Variants in FAM78B observed in about 807,000 individuals in gnomAD.
The protein encoded by FAM78B is protein FAM78B.
A neutral mutation model predicts 20.0 loss-of-function variants in FAM78B; 10 were observed. The ratio of observed to expected loss-of-function variants is 0.50; its 90% CI spans 0.31 to 0.85. The LOEUF is 0.85. Ranked by LOEUF, FAM78B falls within the 40% of genes least tolerant of loss-of-function variation. The pLI is 0.05. For missense variants in FAM78B, 283 were observed against 345.0 expected (o/e 0.82, Z 1.42); for synonymous variants, 135 against 132.8 (o/e 1.02, Z -0.12).
At chr1:166,102,423 A>G (rs1653563984) in intron 1 of FAM78B, among the ~76,000 whole-genome samples, 1 of 152,230 alleles carries the variant, frequency 6.6e-6, no homozygotes, top group South Asian at 2.1e-4. Flanking sequence ...AAATTGGATA[A>G]AGAGTCAAGA....
downstream of FAM78B, among the ~76,000 whole-genome samples, chr1:166,067,834 T>C (rs1392870317): frequency 6.6e-6 from 1 of 152,180 alleles, no homozygotes; most frequent in Non-Finnish European, 1.5e-5. Context: ...TTTTTTTCAT[T>C]TTGTCATTAT....
intron 1 of FAM78B, among the ~76,000 whole-genome samples, chr1:166,131,941 T>C (rs1348955900): frequency 6.6e-6 from 1 of 152,146 alleles, no homozygotes; most frequent in Admixed American, 6.5e-5. Context: ...GTGGTGTACA[T>C]GCATTGCTCT....
At chr1:166,082,148 T>C (rs967969109) in intron 1 of FAM78B, among the ~76,000 whole-genome samples, 20 of 152,148 alleles carry the variant, frequency 1.3e-4, no homozygotes, top group Admixed American at 5.2e-4. Flanking sequence ...CTATGATGGT[T>C]TTCTACTGCA....
At chr1:166,159,671 C>A (rs1656066626) in intron 1 of FAM78B, among the ~76,000 whole-genome samples, 1 of 152,198 alleles carries the variant, frequency 6.6e-6, no homozygotes, top group Admixed American at 6.5e-5. Flanking sequence ...CTTTCCCCAA[C>A]CCATCCAGTG....
intron 1 of FAM78B, among the ~76,000 whole-genome samples, chr1:166,105,155 T>C (rs1653718826): frequency 6.6e-6 from 1 of 152,106 alleles, no homozygotes; most frequent in African/African-American, 2.4e-5. Flanking sequence ...TAGCCATATG[T>C]AGAAAGCTGA....
At chr1:166,110,728 T>G (rs1654019923) in intron 1 of FAM78B, among the ~76,000 whole-genome samples, 1 of 152,166 alleles carries the variant, frequency 6.6e-6, no homozygotes, top group Admixed American at 6.5e-5. Flanking sequence ...TGCGCCCAAC[T>G]ATTAGAGACT....
intron 1 of FAM78B, among the ~76,000 whole-genome samples, chr1:166,074,892 C>T (rs1176861790): frequency 6.6e-6 from 1 of 152,184 alleles, no homozygotes; most frequent in Non-Finnish European, 1.5e-5. Context: ...GACAACCATG[C>T]AGGCTACAGC....
chr1:166,154,885 C>T, intron 1 of FAM78B: 3 of 468,290 alleles, frequency 6.4e-6, no homozygotes, highest in Non-Finnish European at 1.3e-5. Context: ...ATCCTAACAC[C>T]CTGTAAGTTA....
In FAM78B at chr1:166,166,317, C is replaced by T. The variant is rs1036892523; in HGVS notation, c.-69G>A. ...GGGCCCGCGCGGGCAGCCGGGGGCG[C>T]CCGTCACGCCGGCATGGCGACGCGC... On this transcript the variant is annotated 5_prime_UTR_variant, in exon 1 of 2. Transcript: ENST00000354422. 375 of 1,115,326 alleles carry T rather than the reference C, an allele frequency of 3.4e-4. 1 individual carries two copies. The highest frequency in any genetic ancestry group is 4.0e-4 in the Non-Finnish European group (365 of 913,450). The allele number at this position is 1,115,326 out of a possible 1,614,324, so 69.1% of individuals were successfully genotyped here.
intron 1 of FAM78B, among the ~76,000 whole-genome samples, chr1:166,144,622 C>T (rs1225154375): frequency 3.3e-5 from 5 of 151,954 alleles, no homozygotes; most frequent in Non-Finnish European, 7.4e-5. Context: ...GAGTGAGGTC[C>T]CCATTCATCT....
chr1:166,082,669 GC>G (rs1652627403), intron 1 of FAM78B: 1 of 152,334 alleles, frequency 6.6e-6, no homozygotes, highest in South Asian at 2.1e-4. Flanking sequence ...CTCCAGAAGA[GC>G]CCAGAACAGG....
chr1:166,063,607 C>T (rs574966422), intron 2 of FAM78B, among the ~76,000 whole-genome samples: 8 of 152,270 alleles, frequency 5.3e-5, no homozygotes, highest in Admixed American at 4.6e-4. Context: ...GCTTGGCTCA[C>T]CCAGTCCCAG....
chr1:166,097,251 G>A (rs1417260792), intron 1 of FAM78B, among the ~76,000 whole-genome samples: 1 of 152,188 alleles, frequency 6.6e-6, no homozygotes, highest in Non-Finnish European at 1.5e-5. Context: ...ATTCCTGCCT[G>A]GCACCATAGG....
At chr1:166,140,799 G>A (rs944710223) in intron 1 of FAM78B, among the ~76,000 whole-genome samples, 2 of 152,204 alleles carry the variant, frequency 1.3e-5, no homozygotes, top group African/African-American at 4.8e-5. Context: ...CCATTGATCT[G>A]TACTATGGAG....
chr1:166,116,437 G>A (rs899510602), intron 1 of FAM78B, among the ~76,000 whole-genome samples: 2 of 152,168 alleles, frequency 1.3e-5, no homozygotes, highest in African/African-American at 2.4e-5. Flanking sequence ...ACATTTCTCC[G>A]TAGTGATAGG....
intron 1 of FAM78B, among the ~76,000 whole-genome samples, chr1:166,097,237 G>A (rs887773082): frequency 6.6e-6 from 1 of 152,230 alleles, no homozygotes; most frequent in African/African-American, 2.4e-5. Flanking sequence ...TCCCCTAGCA[G>A]GCCATTCCTG....
At chr1:166,101,888 A>C (rs1653536083) in intron 1 of FAM78B, among the ~76,000 whole-genome samples, 1 of 152,084 alleles carries the variant, frequency 6.6e-6, no homozygotes, top group Admixed American at 6.6e-5. Flanking sequence ...GAGAAGAGCA[A>C]CTCCAAGACA....
At chr1:166,118,468 T>C (rs1489717337) in intron 1 of FAM78B, among the ~76,000 whole-genome samples, 2 of 152,186 alleles carry the variant, frequency 1.3e-5, no homozygotes, top group Admixed American at 1.3e-4. Flanking sequence ...AGATAAAACA[T>C]ATAGCTTTAT....
chr1:166,118,635 T>C (rs796306543), intron 1 of FAM78B, among the ~76,000 whole-genome samples: 3 of 152,240 alleles, frequency 2.0e-5, no homozygotes, highest in East Asian at 1.9e-4. Context: ...ACGGCAGAGC[T>C]GAGTGGTTGC....
Sources: gnomAD v4.1 joint callset for allele counts (sites outside exome capture counted in the v4.1 genomes callset) on GRCh38, gnomAD v4.1.1 for gene constraint, MANE v1.5 for transcripts, NCBI Gene and HGNC (gene_info 2026-07-23, HGNC 2026-07-21) for gene names.